Variants in PRLR observed in about 807,000 individuals in gnomAD.
PRLR encodes prolactin receptor.
Under a neutral mutation model 40.2 loss-of-function variants are expected in PRLR, and 13 were observed. The ratio of observed to expected loss-of-function variants is 0.32; its 90% confidence interval spans 0.21 to 0.51. The LOEUF (loss-of-function observed/expected upper bound fraction) is 0.51. PRLR is among the 20% of genes least tolerant of loss of function. The pLI is 0.97. For missense variants in PRLR, 656 were observed against 747.3 expected, an observed-to-expected ratio of 0.88 and a Z score of 1.42; for synonymous variants, 269 against 278.7, an observed-to-expected ratio of 0.97 and a Z score of 0.35.
intron 5 of PRLR, among the ~76,000 whole-genome samples, chr5:35,074,504 CATATATAT>C (rs3034214): frequency 1.5e-5 from 2 of 132,624 alleles, no homozygotes; most frequent in African/African-American, 6.6e-5. Flanking sequence ...TTTATGATTC[CATATATAT>C]ATATATATAT....
At chr5:35,072,054 C>T (rs1311474307) in intron 6 of PRLR, among the ~76,000 whole-genome samples, 1 of 152,026 alleles carries the variant, frequency 6.6e-6, no homozygotes. Context: ...CGCCACCACA[C>T]CTGGCTAATT....
intron 1 of PRLR, among the ~76,000 whole-genome samples, chr5:35,190,953 T>G (rs1406850291): frequency 6.6e-6 from 1 of 152,032 alleles, no homozygotes. Flanking sequence ...GAGGAAATAT[T>G]TACATAATGG....
chr5:35,066,042 C>T lies in PRLR; in HGVS notation c.916G>A (p.Asp306Asn). The change falls in exon 10 of 10, where the codon GAC becomes AAC. Residue 306 changes from aspartate (D) to asparagine (N), a missense_variant. Physicochemically the swap from Asp to Asn is conservative, Grantham distance 23. Coordinates refer to ENST00000618457, the MANE Select transcript of PRLR (RefSeq NM_000949.7). ...TACTCCACCAGCAAGTCCTCATAGT[C>T]AGAAGTGGGAGGAAAGTCTTGGCAT... ...LGCQDFPPTS[D>N]YEDLLVEYLE... 1 of 1,614,092 alleles carries T rather than the reference C, an allele frequency of 6.2e-7. No individual in the cohort carries two copies. The highest frequency in any genetic ancestry group is 8.5e-7 in the Non-Finnish European group (1 of 1,179,980).
chr5:35,052,856 T>C (rs1321083454), downstream of PRLR, among the ~76,000 whole-genome samples: 1 of 152,190 alleles, frequency 6.6e-6, no homozygotes, highest in Admixed American at 6.5e-5. Context: ...TTAGGTCCAA[T>C]CATTTTCCTA....
rs576320777 is a variant in PRLR at position 35,088,629 on chromosome 5, T to G, written c.70+922A>C. ...GTAAAATTACAATTAGACAAATGTT[T>G]CCTTCATCTGCATTAGAGGAACAAG... On this transcript the variant is annotated intron_variant, in intron 3 of 9. Coordinates refer to ENST00000618457, the MANE Select transcript of PRLR (RefSeq NM_000949.7). Among the ~76,000 whole-genome samples the G allele has an allele frequency of 7.2e-5, 11 of 152,312 alleles. No homozygotes were observed. In the South Asian group the frequency reaches 2.3e-3, roughly 32 times the overall value.
At chr5:35,187,947 T>A (rs2111998819) in intron 1 of PRLR, among the ~76,000 whole-genome samples, 1 of 152,312 alleles carries the variant, frequency 6.6e-6, no homozygotes, top group East Asian at 1.9e-4. Flanking sequence ...CATCAAAATC[T>A]CTCTGTGGAC....
rs144426880 is a variant in PRLR at position 35,217,220 on chromosome 5, C to G, written c.-106+13048G>C. The stretch of plus-strand genomic sequence containing the variant: ...CTGAAAGTGGGTGTACATGCCAACA[C>G]TGGGGGCCTAAGTGAACCCCAACAT... On this transcript the variant is annotated intron_variant, in intron 1 of 9. Coordinates refer to ENST00000618457, the MANE Select transcript of PRLR (RefSeq NM_000949.7). 3.9e-3 allele frequency among the ~76,000 whole-genome samples: 598 copies of G among 152,312 alleles called. 6 individuals carry two copies. Among genetic ancestry groups the G allele is most frequent in the African/African-American group, 0.014 (571 of 41,546 alleles).
At chr5:35,146,083 C>T (rs138457762) in intron 1 of PRLR, among the ~76,000 whole-genome samples, 10 of 152,292 alleles carry the variant, frequency 6.6e-5, no homozygotes, top group African/African-American at 1.9e-4. Flanking sequence ...CTCAAATCTA[C>T]GATGATGGCA....
rs1342768673 is a variant in PRLR, at chr5:35,065,696, G to A, written c.1262C>T (p.Pro421Leu). 2.5e-6 allele frequency: 4 copies of A among 1,614,018 alleles called. No homozygotes were observed. In the African/African-American group the frequency reaches 5.3e-5, roughly 22 times the overall value. Residue 421 changes from proline (P) to leucine (L), a missense_variant, in exon 10 of 10, where the codon CCC becomes CTC. Pro to Leu is a moderately conservative substitution (Grantham distance 98). Coordinates refer to ENST00000618457, the MANE Select transcript of PRLR (RefSeq NM_000949.7). The part of the protein sequence containing the change: ...SKCSTWPLPQ[P>L]SQHNPRSSYH... Reference sequence around the variant, plus strand: ...AGAGGATCTGGGGTTGTGCTGGCTGGGCTGTGGTAAGGGCCATGTTGAACA... The same window carrying A: ...AGAGGATCTGGGGTTGTGCTGGCTGAGCTGTGGTAAGGGCCATGTTGAACA...
chr5:35,066,170 T>A, intron 9 of PRLR, 68 bp from the exon 10 acceptor site: 1 of 1,435,188 alleles, frequency 7.0e-7, no homozygotes, highest in Admixed American at 1.9e-5. Flanking sequence ...GCATCCCTGC[T>A]AAGTGGTGCT....
At chr5:35,208,844 T>C (rs1776090915) in intron 1 of PRLR, among the ~76,000 whole-genome samples, 1 of 151,940 alleles carries the variant, frequency 6.6e-6, no homozygotes, top group South Asian at 2.1e-4. Context: ...AGGAAATCAA[T>C]AAAAGAAGTA....
intron 2 of PRLR, among the ~76,000 whole-genome samples, chr5:35,090,944 G>A (rs1417656306): frequency 1.3e-5 from 2 of 151,956 alleles, no homozygotes; most frequent in Non-Finnish European, 2.9e-5. Flanking sequence ...CCGAGTAGCT[G>A]GGACTACAGG....
At chr5:35,157,629 A>G (rs1005700772) in intron 1 of PRLR, among the ~76,000 whole-genome samples, 15 of 152,200 alleles carry the variant, frequency 9.9e-5, no homozygotes, top group African/African-American at 3.6e-4. Flanking sequence ...ACTCATGGAA[A>G]CCTGAAGTTC....
At chr5:35,162,545 C>T (rs763323753) in intron 1 of PRLR, among the ~76,000 whole-genome samples, 4 of 152,228 alleles carry the variant, frequency 2.6e-5, no homozygotes, top group African/African-American at 7.2e-5. Flanking sequence ...ACACTAAGTA[C>T]GTAATCACAT....
chr5:35,206,556 G>A (rs1036012717), intron 1 of PRLR, among the ~76,000 whole-genome samples: 26 of 152,070 alleles, frequency 1.7e-4, no homozygotes, highest in African/African-American at 6.3e-4. Flanking sequence ...TTGGAAGGAA[G>A]TAAAAATGGA....
chr5:35,049,490 A>AAAAT, intron 8 of PRLR: 2 of 647,508 alleles, frequency 3.1e-6, no homozygotes, highest in Non-Finnish European at 2.8e-6. Context: ...ATTTAAAAAG[A>AAAAT]AAATAAATTA....
intron 5 of PRLR, among the ~76,000 whole-genome samples, chr5:35,073,182 T>C (rs966246431): frequency 6.6e-6 from 1 of 152,224 alleles, no homozygotes; most frequent in Non-Finnish European, 1.5e-5. Context: ...TTTTTGTAAA[T>C]GAACTATTCA....
chr5:35,190,258 C>T (rs748090054), intron 1 of PRLR, among the ~76,000 whole-genome samples: 5 of 152,282 alleles, frequency 3.3e-5, no homozygotes, highest in Admixed American at 6.5e-5. Flanking sequence ...TGCCCCACAG[C>T]GAACACTTAG....
intron 5 of PRLR, among the ~76,000 whole-genome samples, chr5:35,074,586 G>A (rs1395419360): frequency 6.6e-6 from 1 of 151,034 alleles, no homozygotes; most frequent in East Asian, 1.9e-4. Flanking sequence ...GCTTGAGGAA[G>A]GGAGAAATGA....
Sources: gnomAD v4.1 joint callset for allele counts (sites outside exome capture counted in the v4.1 genomes callset) on GRCh38, gnomAD v4.1.1 for gene constraint, MANE v1.5 for transcripts, NCBI Gene and HGNC (gene_info 2026-07-23, HGNC 2026-07-21) for gene names.